UNC13A: variants seen among roughly 807,000 people sequenced by gnomAD.
UNC13A encodes unc-13 homolog A.
UNC13A carries 61 observed loss-of-function variants against 219.7 expected under a neutral mutation model. The ratio of observed to expected loss-of-function variants is 0.28; its 90% confidence interval spans 0.23 to 0.34. UNC13A has a LOEUF of 0.34. UNC13A is among the 10% of genes least tolerant of loss of function. The pLI, the probability that UNC13A is intolerant of heterozygous loss-of-function variation, is 1.00. For synonymous variants in UNC13A, 920 were observed against 884.6 expected, an observed-to-expected ratio of 1.04 and a Z score of -0.71; for missense variants, 1,476 against 2,270.3, an observed-to-expected ratio of 0.65 and a Z score of 7.11.
At position 17,606,092 on chromosome 19, in the gene UNC13A, G is replaced by C; in HGVS notation, c.5074C>G (p.Arg1692Gly). Residue 1692 changes from arginine (R) to glycine (G), a missense_variant, in exon 44 of 44, where the codon CGC becomes GGC. Arg to Gly is a moderately radical substitution (Grantham distance 125, BLOSUM62 -2). Coordinates refer to ENST00000519716, the MANE Select transcript of UNC13A (RefSeq NM_001080421.3). ...GCGGCACCGCCCTCCTCGGCGGAGC[G>C]CGTGTCCGACTTGAGCTTCACGAAC... ...KEFVKLKSDT[R>G]SAEEGGAAPA... 6 of 1,590,862 alleles carry C rather than the reference G, an allele frequency of 3.8e-6. No homozygotes were observed. Among genetic ancestry groups the C allele is most frequent in the Non-Finnish European group, 5.1e-6 (6 of 1,171,530 alleles).
chr19:17,612,002 A>C, intron 41 of UNC13A, 147 bp from the exon 42 acceptor site: 1 of 612,280 alleles, frequency 1.6e-6, no homozygotes, highest in South Asian at 2.5e-5. Context: ...CCAGGATGGG[A>C]GGTGCTCTTG....
In UNC13A at chr19:17,645,597, T is replaced by C; in HGVS notation, c.2356+77A>G. 9 of 1,582,030 alleles carry C rather than the reference T, an allele frequency of 5.7e-6. No homozygotes were observed. In the South Asian group the frequency reaches 7.0e-5, roughly 12 times the overall value. On this transcript the variant is annotated intron_variant, in intron 19 of 43. Transcript: ENST00000519716. The stretch of plus-strand genomic sequence containing the variant: ...AACTCCTCCTGAGAACACATCTCTC[T>C]GCTCTTCGTGGGCTCCATGCTCTGG...
chr19:17,620,663 G>A (rs1318459094), intron 38 of UNC13A, 30 bp downstream of exon 38: 1 of 1,607,350 alleles, frequency 6.2e-7, no homozygotes, highest in Non-Finnish European at 8.5e-7. Context: ...TGGGATGGGA[G>A]CCAGACAGAC....
intron 12 of UNC13A, 57 bp downstream of exon 12, chr19:17,652,574 C>G (rs2079369022): frequency 6.2e-7 from 1 of 1,611,472 alleles, no homozygotes; most frequent in East Asian, 2.2e-5. Context: ...AGGCGCAAAC[C>G]AGCCTTGGAC....
intron 4 of UNC13A, among the ~76,000 whole-genome samples, chr19:17,672,159 C>T (rs561475368): frequency 5.9e-5 from 9 of 152,238 alleles, no homozygotes; most frequent in African/African-American, 2.2e-4. Flanking sequence ...CTAAAGCAGC[C>T]ATTTGGGGCC....
intron 15 of UNC13A, 61 bp from the exon 16 acceptor site, chr19:17,648,711 C>G (rs1418430104): frequency 1.2e-5 from 19 of 1,564,430 alleles, no homozygotes; most frequent in Non-Finnish European, 1.7e-5. Flanking sequence ...CCTGTCCTGC[C>G]CCATTCCGCC....
chr19:17,606,381 AC>A, intron 43 of UNC13A, 27 bp from the exon 44 acceptor site: 4 of 1,536,732 alleles, frequency 2.6e-6, no homozygotes, highest in Non-Finnish European at 3.5e-6. Flanking sequence ...GGAACGTGAG[AC>A]AGGCCACACC....
At chr19:17,645,174 A>G (rs1343977686) in intron 19 of UNC13A, among the ~76,000 whole-genome samples, 1 of 150,730 alleles carries the variant, frequency 6.6e-6, no homozygotes, top group Non-Finnish European at 1.5e-5. Flanking sequence ...ACGCCTGGCT[A>G]ATTTTTGTAT....
rs758698079 is a variant in UNC13A, at chr19:17,617,695, C to G, written c.4558+7G>C. ...GGGAAAGGGTGATGCGGTCTGGGTA[C>G]CCTTACCCTGGGCCGATTGCGTCTG... is the stretch of plus-strand genomic sequence containing the variant. On this transcript the variant is annotated splice_region_variant and intron_variant, in intron 41 of 43. Transcript: ENST00000519716. 2.5e-6 allele frequency: 4 copies of G among 1,612,896 alleles called. No individual in the cohort carries two copies. Among genetic ancestry groups the G allele is most frequent in the East Asian group, 2.2e-5 (1 of 44,872 alleles).
intron 21 of UNC13A, 126 bp from the exon 22 acceptor site, chr19:17,640,787 C>T: frequency 9.5e-7 from 1 of 1,055,402 alleles, no homozygotes; most frequent in East Asian, 2.9e-5. Context: ...CATCCCCTGC[C>T]TGATTCTGTC....
At chr19:17,609,449 C>G (rs2076578265) in intron 43 of UNC13A, among the ~76,000 whole-genome samples, 1 of 152,082 alleles carries the variant, frequency 6.6e-6, no homozygotes, top group African/African-American at 2.4e-5. Flanking sequence ...GTCCCCAGAG[C>G]CGACTCCTCC....
chr19:17,679,603 T>C (rs1027113052), intron 1 of UNC13A, among the ~76,000 whole-genome samples: 18 of 151,928 alleles, frequency 1.2e-4, no homozygotes, highest in African/African-American at 4.1e-4. Flanking sequence ...CTGGGCTCAC[T>C]TGAAGCTCCT....
rs1568513371 is a variant in UNC13A, at chr19:17,631,204, CTTCCTTCCTTCCTTCCTTCT to C, written c.3429-474_3429-455del. 5.3e-4 allele frequency among the ~76,000 whole-genome samples: 26 copies of C among 49,516 alleles called. 4 individuals are homozygous for C. Among genetic ancestry groups the C allele is most frequent in the Admixed American group, 7.9e-4 (5 of 6,316 alleles). 32.5% of individuals were successfully genotyped at this position (49,516 alleles called of 152,430 possible). ...TTTCCTTCCTTCCCTCCCTCCCTCC[CTTCCTTCCTTCCTTCCTTCT>C]TCCTTCCTTCCTTCCTTCCTGGGTC... On this transcript the variant is annotated intron_variant, in intron 28 of 43. Coordinates refer to ENST00000519716, the MANE Select transcript of UNC13A (RefSeq NM_001080421.3).
chr19:17,687,905 G>A (rs955772799), intron 1 of UNC13A, among the ~76,000 whole-genome samples: 1 of 151,842 alleles, frequency 6.6e-6, no homozygotes, highest in Admixed American at 6.6e-5. Context: ...GTAGAACCCC[G>A]GATACCCGTC....
intron 16 of UNC13A, 28 bp downstream of exon 16, chr19:17,648,403 T>G (rs1568525451): frequency 6.8e-7 from 1 of 1,479,128 alleles, no homozygotes. Flanking sequence ...CGCCAACCCG[T>G]GGCCCTGCGC....
chr19:17,634,237 CATCCATCCACCT>C (rs948252956), intron 26 of UNC13A, among the ~76,000 whole-genome samples: 7 of 152,050 alleles, frequency 4.6e-5, no homozygotes, highest in African/African-American at 1.7e-4. Context: ...TCTATCTATT[CATCCATCCACCT>C]ATCCATCCAT....
rs375267141 is a variant in UNC13A at position 17,658,285 on chromosome 19, G to A, written c.560-16C>T. The stretch of plus-strand genomic sequence containing the variant: ...GGGTCATCGTCTGGAAGAGAGAGGC[G>A]GTATGGGAAGAGGGTGAGGAAGAGA... On this transcript the variant is annotated splice_polypyrimidine_tract_variant and intron_variant, in intron 8 of 43. Transcript: ENST00000519716. 68 of 1,602,684 alleles carry A rather than the reference G, an allele frequency of 4.2e-5. No individual in the cohort carries two copies. The African/African-American group carries it at 4.6e-4, about 11-fold the overall frequency.
intron 1 of UNC13A, among the ~76,000 whole-genome samples, chr19:17,681,622 A>G (rs569202883): frequency 4.9e-4 from 74 of 152,336 alleles, no homozygotes; most frequent in African/African-American, 1.8e-3. Flanking sequence ...GTTGTTTACC[A>G]TGAACCACTT....
Position 17,606,319 on chromosome 19 carries a change from T to C in UNC13A, c.4847A>G (p.Glu1616Gly). The change falls in exon 44 of 44, where the codon GAG becomes GGG. Residue 1616 changes from glutamate to glycine, a missense_variant. Physicochemically the swap from Glu to Gly is moderately conservative, Grantham distance 98 (BLOSUM62 -2). Around this residue, in one of 14 missense-constraint regions of UNC13A, gnomAD observed 187 missense variants for 172.3 expected, o/e 1.09. Coordinates refer to ENST00000519716, the MANE Select transcript of UNC13A (RefSeq NM_001080421.3). ...LSADAGPECY[E>G]LQVCVKDYCF... ...GTAGTCCTTGACGCACACCTGCAGC[T>C]CATAGCACTCGGGACCCGCGTCGGC... is the stretch of plus-strand genomic sequence containing the variant. 5 of 1,548,856 alleles carry C rather than the reference T, an allele frequency of 3.2e-6. No individual in the cohort carries two copies. Among genetic ancestry groups the C allele is most frequent in the Non-Finnish European group, 4.4e-6 (5 of 1,147,708 alleles).
Sources: gnomAD v4.1 joint callset for allele counts (sites outside exome capture counted in the v4.1 genomes callset) on GRCh38, gnomAD v4.1.1 for gene constraint, gnomAD v4.1.1 regional missense constraint, MANE v1.5 for transcripts, NCBI Gene and HGNC (gene_info 2026-07-23, HGNC 2026-07-21) for gene names.